USP40: variants seen among roughly 807,000 people sequenced by gnomAD.
The protein encoded by USP40 is ubiquitin specific peptidase 40, also known as ubiquitin carboxyl-terminal hydrolase 40.
A neutral mutation model predicts 166.2 loss-of-function variants in USP40; 143 were observed. The observed-to-expected ratio is 0.86, with a 90% CI of 0.75 to 0.99. The LOEUF is 0.99. USP40 is among the 50% of genes least tolerant of loss of function. The probability of loss-of-function intolerance (pLI) is 0.00; values close to 1 mark genes in which losing one functional copy is unlikely to be tolerated. For missense variants in USP40, 1,444 were observed against 1,479.7 expected (o/e 0.98, Z 0.40); for synonymous variants, 498 against 524.0 (o/e 0.95, Z 0.68).
At chr2:233,522,307 G>C (rs557823391) in intron 16 of USP40, among the ~76,000 whole-genome samples, 2 of 152,216 alleles carry the variant, frequency 1.3e-5, no homozygotes, top group South Asian at 4.1e-4. Context: ...CTTCACTTTT[G>C]TATTTCCCCA....
In USP40 at chr2:233,494,977, T is replaced by C. The variant is rs867878188; in HGVS notation, c.2791-1426A>G. ...ATATTTATATATATATATATATATA[T>C]ATACACACACATAAAAAATAAATAA... On this transcript the variant is annotated intron_variant, in intron 24 of 31. Coordinates refer to ENST00000678225, the MANE Select transcript of USP40 (RefSeq NM_001365479.2). Among the ~76,000 whole-genome samples the C allele has an allele frequency of 5.0e-3, 483 of 96,666 alleles. 14 individuals are homozygous for C. Among genetic ancestry groups the C allele is most frequent in the East Asian group, 0.05 (187 of 3,758 alleles). 63.4% of individuals were successfully genotyped at this position (96,666 alleles called of 152,430 possible).
chr2:233,533,596 T>C lies in USP40; in HGVS notation c.1354A>G (p.Ile452Val), dbSNP rs745840750. Residue 452 changes from isoleucine to valine, a missense_variant, in exon 11 of 32, where the codon ATA (isoleucine) becomes GTA (valine). Transcript: ENST00000678225. ...NSISCPHWFD[I>V]NDSKVQPIRE... The stretch of plus-strand genomic sequence containing the variant: ...ATTGGCTGGACTTTAGAATCATTTA[T>C]ATCAAACCAGTGGGGACAGGAGATG... The C allele has an allele frequency of 2.5e-6, 4 of 1,613,780 alleles. No homozygotes were observed. The highest frequency in any genetic ancestry group is 2.7e-5 in the African/African-American group (2 of 74,922).
Position 233,490,920 on chromosome 2 carries a change from A to C in USP40, c.3012+247T>G. The C allele has an allele frequency of 4.9e-6, 3 of 613,934 alleles. No homozygotes were observed. In the South Asian group the frequency reaches 5.0e-5, roughly 10 times the overall value. 38.0% of individuals were successfully genotyped at this position (613,934 alleles called of 1,614,324 possible). On this transcript the variant is annotated intron_variant, in intron 26 of 31. Transcript: ENST00000678225. Reference sequence around the variant, plus strand: ...AAAATAAAAATGAACAAAAGCCGCAAGTCACTGAGGATAGATTGAAACAAA... The same window carrying C: ...AAAATAAAAATGAACAAAAGCCGCACGTCACTGAGGATAGATTGAAACAAA...
At chr2:233,537,228 G>A (rs1413456334) in intron 10 of USP40, among the ~76,000 whole-genome samples, 1 of 152,072 alleles carries the variant, frequency 6.6e-6, no homozygotes, top group Non-Finnish European at 1.5e-5. Context: ...AAAGAATAGA[G>A]GAGGATGTGA....
chr2:233,487,768 G>A (rs2065037188), intron 28 of USP40: 1 of 323,380 alleles, frequency 3.1e-6, no homozygotes, highest in African/African-American at 2.2e-5. Flanking sequence ...TAGGTATTAA[G>A]GATATAGCAA....
At chr2:233,549,052 A>C in intron 8 of USP40, 49 bp downstream of exon 8, 1 of 1,528,404 alleles carries the variant, frequency 6.5e-7, no homozygotes, top group South Asian at 1.3e-5. Context: ...AAATAATAGG[A>C]ATAGAAAAGA....
At chr2:233,528,305 T>C (rs2068216484) in intron 12 of USP40, among the ~76,000 whole-genome samples, 1 of 152,098 alleles carries the variant, frequency 6.6e-6, no homozygotes, top group African/African-American at 2.4e-5. Context: ...GCCAGTAGCA[T>C]GAACCTCCCG....
chr2:233,513,913 T>C (rs2067000566), intron 18 of USP40, among the ~76,000 whole-genome samples: 1 of 152,186 alleles, frequency 6.6e-6, no homozygotes, highest in Non-Finnish European at 1.5e-5. Flanking sequence ...CCTTAGAAGT[T>C]CTAACTTTAT....
chr2:233,551,301 A>G lies in USP40; in HGVS notation c.837+75T>C, dbSNP rs2070529631. On this transcript the variant is annotated intron_variant, in intron 7 of 31. Coordinates refer to ENST00000678225, the MANE Select transcript of USP40 (RefSeq NM_001365479.2). ...GTTTAGAGATTCTCACAATAAACCA[A>G]CTGAAAATCGGGTCAATAATAGATT... 4 of 1,456,742 alleles carry G rather than the reference A, an allele frequency of 2.7e-6. No homozygotes were observed. In the South Asian group the frequency reaches 5.6e-5, roughly 21 times the overall value. The allele number at this position is 1,456,742 out of a possible 1,614,324, so 90.2% of individuals were successfully genotyped here.
intron 28 of USP40, chr2:233,488,008 T>G (rs2065058538): frequency 1.5e-6 from 1 of 681,348 alleles, no homozygotes. Flanking sequence ...AATATGCACC[T>G]GGTGATTACT....
At chr2:233,492,045 A>G (rs1249026642) in intron 25 of USP40, among the ~76,000 whole-genome samples, 1 of 152,256 alleles carries the variant, frequency 6.6e-6, no homozygotes, top group Non-Finnish European at 1.5e-5. Context: ...TAATTTTAGG[A>G]AATTCTAAAG....
At chr2:233,484,683 A>G (rs2064835088) in intron 30 of USP40, among the ~76,000 whole-genome samples, 1 of 151,904 alleles carries the variant, frequency 6.6e-6, no homozygotes, top group Non-Finnish European at 1.5e-5. Context: ...AGGTTTCACT[A>G]TGTTGTCCAG....
At chr2:233,527,344 ATGGAGAGTCTAGC>A (rs2068103314) in intron 13 of USP40, 50 bp downstream of exon 13, 2 of 1,542,730 alleles carry the variant, frequency 1.3e-6, no homozygotes, top group Admixed American at 3.7e-5. Flanking sequence ...ACAGAATGAA[ATGGAGAGTCTAGC>A]TGGAGATGGT....
rs76961608 is a variant in USP40, at chr2:233,535,443, C to T, written c.1171-1664G>A. Among the ~76,000 whole-genome samples the T allele has an allele frequency of 1.0e-2, 1,522 of 152,300 alleles. 27 individuals are homozygous for T. The highest frequency in any genetic ancestry group is 0.034 in the African/African-American group (1,425 of 41,556). On this transcript the variant is annotated intron_variant, in intron 10 of 31. Transcript: ENST00000678225. ...AAAGTAACCATTTAAAAATGTAAGG[C>T]ATGTTCTTAGCTCAAGACTATAAGA...
At position 233,476,817 on chromosome 2, in the gene USP40, G is replaced by A. The variant is rs1388250451; in HGVS notation, c.*575C>T. 2 of 164,814 alleles carry A rather than the reference G, an allele frequency of 1.2e-5. No individual in the cohort carries two copies. Among genetic ancestry groups the A allele is most frequent in the Admixed American group, 5.6e-5 (1 of 17,812 alleles). 10.2% of individuals were successfully genotyped at this position (164,814 alleles called of 1,614,324 possible). ...GAAAGAGCTCGCACTTTTCAGCATC[G>A]CAGTTTTAACTCAGACCAAAGGGCA... On this transcript the variant is annotated 3_prime_UTR_variant, in exon 32 of 32. Transcript: ENST00000678225.
At chr2:233,539,277 T>C (rs1052369813) in intron 10 of USP40, among the ~76,000 whole-genome samples, 3 of 151,140 alleles carry the variant, frequency 2.0e-5, no homozygotes, top group Non-Finnish European at 2.9e-5. Flanking sequence ...TAGTTGTCAC[T>C]TGTGAAATGC....
At chr2:233,498,744 T>A in intron 22 of USP40, 132 bp from the exon 23 acceptor site, 1 of 699,190 alleles carries the variant, frequency 1.4e-6, no homozygotes, top group Non-Finnish European at 2.4e-6. Context: ...TGGGCCTCCA[T>A]GTTAATGAAG....
At chr2:233,498,671 T>C in intron 22 of USP40, 59 bp from the exon 23 acceptor site, 1 of 1,412,156 alleles carries the variant, frequency 7.1e-7, no homozygotes, top group Non-Finnish European at 9.9e-7. Context: ...ACGTTGCGTG[T>C]AACTTCTAGA....
At chr2:233,482,744 G>A (rs2064704582) in intron 30 of USP40, among the ~76,000 whole-genome samples, 1 of 152,090 alleles carries the variant, frequency 6.6e-6, no homozygotes, top group Non-Finnish European at 1.5e-5. Context: ...ATGTTGCCCT[G>A]GCTGGTCTCA....
Sources: gnomAD v4.1 joint callset for allele counts (sites outside exome capture counted in the v4.1 genomes callset) on GRCh38, gnomAD v4.1.1 for gene constraint, MANE v1.5 for transcripts, NCBI Gene and HGNC (gene_info 2026-07-23, HGNC 2026-07-21) for gene names.